RBFOX1: variants seen among roughly 807,000 people sequenced by gnomAD.
RBFOX1 encodes the protein RNA binding protein fox-1 homolog 1.
Under a neutral mutation model 57.7 loss-of-function variants are expected in RBFOX1, and 8 were observed. That is an observed-to-expected ratio of 0.14 (90% CI 0.08 to 0.25). The LOEUF (loss-of-function observed/expected upper bound fraction) is 0.25, where lower values mean the gene tolerates loss of function less well. RBFOX1 is among the 10% of genes least tolerant of loss of function. RBFOX1 has a pLI of 1.00. For synonymous variants in RBFOX1, 326 were observed against 222.4 expected (o/e 1.47, Z -4.15); for missense variants, 611 against 548.5 (o/e 1.11, Z -1.14).
At chr16:6,017,998 C>T (rs895699617), upstream of RBFOX1, among the ~76,000 whole-genome samples, 1 of 152,206 alleles carries the variant, frequency 6.6e-6, no homozygotes, top group African/African-American at 2.4e-5. Context: ...GCCACCTGCC[C>T]TTCAGAAGGC....
intron 14 of RBFOX1, among the ~76,000 whole-genome samples, chr16:7,677,252 C>G (rs901215969): frequency 6.6e-5 from 10 of 151,898 alleles, no homozygotes; most frequent in Non-Finnish European, 1.0e-4. Flanking sequence ...AGGTTTACTT[C>G]AATTTCAAGC....
At chr16:6,758,277 G>C (rs1211223589) in intron 3 of RBFOX1, among the ~76,000 whole-genome samples, 1 of 151,982 alleles carries the variant, frequency 6.6e-6, no homozygotes, top group Non-Finnish European at 1.5e-5. Context: ...GTGTAAACTA[G>C]AGATAATTTA....
chr16:6,969,633 A>G (rs764206679), intron 3 of RBFOX1, among the ~76,000 whole-genome samples: 26 of 152,060 alleles, frequency 1.7e-4, no homozygotes, highest in Non-Finnish European at 3.2e-4. Flanking sequence ...AGTCTCAGCT[A>G]CTCGGGAGGC....
intron 4 of RBFOX1, among the ~76,000 whole-genome samples, chr16:7,163,504 T>C (rs2078819621): frequency 6.6e-6 from 1 of 152,162 alleles, no homozygotes; most frequent in African/African-American, 2.4e-5. Flanking sequence ...TTGGTCCTTC[T>C]GTTCCCGTTA....
chr16:6,960,356 G>A (rs2082701847), intron 3 of RBFOX1, among the ~76,000 whole-genome samples: 1 of 152,128 alleles, frequency 6.6e-6, no homozygotes, highest in Non-Finnish European at 1.5e-5. Context: ...TAGCTTAGAA[G>A]CTGTATAAGC....
At chr16:5,698,266 T>C (rs890023113) in intron 3 of RBFOX1, among the ~76,000 whole-genome samples, 2 of 152,170 alleles carry the variant, frequency 1.3e-5, no homozygotes, top group Admixed American at 6.5e-5. Flanking sequence ...TGACTTTCTT[T>C]TTATATTCAC....
chr16:6,596,193 A>G (rs563300636), intron 2 of RBFOX1, among the ~76,000 whole-genome samples: 1 of 151,528 alleles, frequency 6.6e-6, no homozygotes, highest in East Asian at 2.0e-4. Flanking sequence ...TTTCACCCCA[A>G]GGTCACAGAG....
intron 3 of RBFOX1, among the ~76,000 whole-genome samples, chr16:5,851,788 G>C (rs2056903614): frequency 6.6e-6 from 1 of 152,212 alleles, no homozygotes; most frequent in African/African-American, 2.4e-5. Flanking sequence ...AAAACCGCAA[G>C]TTTAGCGTTC....
At chr16:5,865,760 G>T (rs1597556312) in intron 3 of RBFOX1, among the ~76,000 whole-genome samples, 1 of 152,166 alleles carries the variant, frequency 6.6e-6, no homozygotes, top group South Asian at 2.1e-4. Context: ...TAACCAACAG[G>T]AATATATTTC....
chr16:5,360,956 A>G (rs1005604728), intron 1 of RBFOX1, among the ~76,000 whole-genome samples: 7 of 152,160 alleles, frequency 4.6e-5, no homozygotes, highest in Non-Finnish European at 1.5e-5. Context: ...TTCTGCGGTG[A>G]GGAGGTGTGT....
chr16:7,373,796 A>T (rs1010980501), intron 4 of RBFOX1, among the ~76,000 whole-genome samples: 9 of 152,228 alleles, frequency 5.9e-5, no homozygotes, highest in Non-Finnish European at 8.8e-5. Flanking sequence ...GGGTCTGGAA[A>T]CATTCACAGA....
At chr16:7,351,373 C>G (rs1404207469) in intron 4 of RBFOX1, among the ~76,000 whole-genome samples, 4 of 152,258 alleles carry the variant, frequency 2.6e-5, no homozygotes, top group Non-Finnish European at 5.9e-5. Flanking sequence ...GTATTAATCA[C>G]CACTACGTGC....
chr16:6,824,081 T>G (rs1258831092), intron 3 of RBFOX1, among the ~76,000 whole-genome samples: 1 of 152,172 alleles, frequency 6.6e-6, no homozygotes, highest in Non-Finnish European at 1.5e-5. Context: ...TTTGTAGTAA[T>G]GGAATGGTGA....
chr16:6,191,279 C>T (rs969770845), intron 1 of RBFOX1, among the ~76,000 whole-genome samples: 4 of 152,008 alleles, frequency 2.6e-5, no homozygotes, highest in Admixed American at 6.6e-5. Context: ...GTTGTCTTCT[C>T]CCTGTCATAG....
intron 1 of RBFOX1, among the ~76,000 whole-genome samples, chr16:6,228,428 G>GAC (rs3064940): frequency 2.6e-5 from 4 of 151,212 alleles, no homozygotes; most frequent in African/African-American, 9.7e-5. Flanking sequence ...CACACACACA[G>GAC]ACACACACAC....
At chr16:6,915,817 C>G (rs537326335) in intron 3 of RBFOX1, among the ~76,000 whole-genome samples, 21 of 152,212 alleles carry the variant, frequency 1.4e-4, no homozygotes, top group Admixed American at 1.1e-3. Flanking sequence ...CTCGCAAAGT[C>G]CTGTAATTAG....
chr16:6,263,173 G>A (rs2097711634), intron 1 of RBFOX1, among the ~76,000 whole-genome samples: 1 of 152,120 alleles, frequency 6.6e-6, no homozygotes, highest in Non-Finnish European at 1.5e-5. Flanking sequence ...TAGAGAAGAT[G>A]TCTTATGGTT....
chr16:7,379,853 C>G (rs1471558526), intron 4 of RBFOX1, among the ~76,000 whole-genome samples: 1 of 151,642 alleles, frequency 6.6e-6, no homozygotes, highest in Admixed American at 6.6e-5. Flanking sequence ...CCTCTTTTCT[C>G]TTCCTTTTCT....
At chr16:7,120,830 TACACAC>T (rs397836603) in intron 4 of RBFOX1, among the ~76,000 whole-genome samples, 186 of 86,592 alleles carry the variant, frequency 2.1e-3, no homozygotes, top group African/African-American at 6.9e-3. Context: ...TATGTATATA[TACACAC>T]ACACACACAC....
Sources: gnomAD v4.1 joint callset for allele counts (sites outside exome capture counted in the v4.1 genomes callset) on GRCh38, gnomAD v4.1.1 for gene constraint, MANE v1.5 for transcripts, NCBI Gene and HGNC (gene_info 2026-07-23, HGNC 2026-07-21) for gene names.